Variants in AOAH observed in about 807,000 individuals in gnomAD.
AOAH encodes the protein acyloxyacyl hydrolase.
Under a neutral mutation model 92.2 loss-of-function variants are expected in AOAH, and 64 were observed. That is an observed-to-expected ratio of 0.69 (90% CI 0.57 to 0.86). The LOEUF (loss-of-function observed/expected upper bound fraction) is 0.86. AOAH is among the 40% of genes least tolerant of loss of function. AOAH has a pLI of 0.00. For missense variants in AOAH, 656 were observed against 694.6 expected (o/e 0.94, Z 0.62); for synonymous variants, 263 against 254.5 (o/e 1.03, Z -0.32).
intron 19 of AOAH, among the ~76,000 whole-genome samples, chr7:36,525,405 A>G (rs1244949154): frequency 4.6e-5 from 7 of 152,218 alleles, no homozygotes; most frequent in Non-Finnish European, 2.9e-5. Context: ...AGTTTCTTAG[A>G]CTGTGATTCA....
rs1051677517 is a variant in AOAH at position 36,653,318 on chromosome 7, G to C, written c.390+5848C>G. 1.1e-4 allele frequency among the ~76,000 whole-genome samples: 17 copies of C among 152,298 alleles called. No individual in the cohort carries two copies. In the South Asian group the frequency reaches 3.5e-3, roughly 32 times the overall value. ...TTTCTAAACACTACCACCTGAGACA[G>C]TCTACTAAAAGAGATGCCAGGTATT... On this transcript the variant is annotated intron_variant, in intron 4 of 20. Transcript: ENST00000617537.
At chr7:36,517,199 TTTCTTTC>T (rs952803786) in intron 20 of AOAH, among the ~76,000 whole-genome samples, 9 of 70,644 alleles carry the variant, frequency 1.3e-4, no homozygotes, top group African/African-American at 3.9e-4. Context: ...TCTTTCTTTC[TTTCTTTC>T]TTTCTTTCTC....
intron 5 of AOAH, 115 bp downstream of exon 5, chr7:36,637,736 G>T: frequency 1.1e-6 from 1 of 884,630 alleles, no homozygotes; most frequent in Non-Finnish European, 1.8e-6. Flanking sequence ...ACGTAGCTAT[G>T]GCATGTTGCA....
chr7:36,541,324 A>AAAGT (rs1785410680), intron 15 of AOAH, among the ~76,000 whole-genome samples: 1 of 152,210 alleles, frequency 6.6e-6, no homozygotes, highest in African/African-American at 2.4e-5. Flanking sequence ...TTATTTCATA[A>AAAGT]AAGTTAGTAA....
intron 2 of AOAH, among the ~76,000 whole-genome samples, chr7:36,678,979 C>A (rs894011088): frequency 2.0e-5 from 3 of 152,014 alleles, no homozygotes; most frequent in African/African-American, 7.2e-5. Context: ...AAGGATCATA[C>A]AAGAGTATTT....
chr7:36,612,660 C>T (rs1187028118), intron 11 of AOAH, among the ~76,000 whole-genome samples: 2 of 152,184 alleles, frequency 1.3e-5, no homozygotes, highest in Non-Finnish European at 2.9e-5. Flanking sequence ...GCCAGATTGC[C>T]TTTCAGAGAA....
chr7:36,552,710 C>T (rs1049983542), intron 13 of AOAH, among the ~76,000 whole-genome samples: 16 of 152,144 alleles, frequency 1.1e-4, no homozygotes, highest in African/African-American at 3.6e-4. Flanking sequence ...TCATTTTCAA[C>T]CCTTGCTCCC....
chr7:36,621,635 G>A, intron 8 of AOAH, 75 bp downstream of exon 8: 3 of 1,342,002 alleles, frequency 2.2e-6, no homozygotes, highest in African/African-American at 2.9e-5. Context: ...CCCCTAGGCT[G>A]GGGGAAGGAA....
intron 14 of AOAH, among the ~76,000 whole-genome samples, chr7:36,548,910 C>T (rs1198450302): frequency 6.6e-6 from 1 of 152,172 alleles, no homozygotes; most frequent in Admixed American, 6.5e-5. Context: ...CACATAAATG[C>T]ATAAAATTGA....
chr7:36,678,549 CAGTGTGTG>C (rs1796404557), intron 2 of AOAH, among the ~76,000 whole-genome samples: 1 of 77,680 alleles, frequency 1.3e-5, no homozygotes, highest in African/African-American at 3.9e-5. Flanking sequence ...GTAAGATAAG[CAGTGTGTG>C]TGTGTGTGTG....
At chr7:36,535,504 A>T (rs1785000850) in intron 16 of AOAH, among the ~76,000 whole-genome samples, 1 of 152,190 alleles carries the variant, frequency 6.6e-6, no homozygotes, top group Non-Finnish European at 1.5e-5. Context: ...TTAAAAAGAC[A>T]TTTGGTTTCA....
rs201604874 is a variant in AOAH, at chr7:36,560,597, T to G, written c.1022-11122A>C. Among the ~76,000 whole-genome samples the G allele has an allele frequency of 9.8e-5, 15 of 152,368 alleles. No homozygotes were observed. In the East Asian group the frequency reaches 2.9e-3, roughly 29 times the overall value. ...ACATTGATTTTGTACCCTGAAACTT[T>G]GCTAAAGTTGTTTATCAGTTCCAGG... On this transcript the variant is annotated intron_variant, in intron 13 of 20. Transcript: ENST00000617537.
At chr7:36,709,817 C>CTGGAAATA (rs1340098245) in intron 1 of AOAH, among the ~76,000 whole-genome samples, 2 of 152,044 alleles carry the variant, frequency 1.3e-5, no homozygotes, top group East Asian at 3.8e-4. Flanking sequence ...AGTGTGAAAT[C>CTGGAAATA]CATGAGAAAA....
intron 1 of AOAH, among the ~76,000 whole-genome samples, chr7:36,692,183 A>G (rs1797441707): frequency 6.6e-6 from 1 of 152,234 alleles, no homozygotes; most frequent in South Asian, 2.1e-4. Flanking sequence ...GATACCACAC[A>G]TAAAATGCAC....
chr7:36,538,243 G>A (rs1457954579), intron 16 of AOAH, among the ~76,000 whole-genome samples: 2 of 151,684 alleles, frequency 1.3e-5, no homozygotes, highest in Non-Finnish European at 2.9e-5. Flanking sequence ...GGCCAGGCTT[G>A]ACTTGAACTC....
At chr7:36,546,200 G>A (rs1222366033) in intron 15 of AOAH, among the ~76,000 whole-genome samples, 1 of 152,184 alleles carries the variant, frequency 6.6e-6, no homozygotes, top group Non-Finnish European at 1.5e-5. Flanking sequence ...GCACATAAAT[G>A]TGTTACTTCA....
At chr7:36,622,571 A>C (rs1792359328) in intron 7 of AOAH, among the ~76,000 whole-genome samples, 1 of 152,228 alleles carries the variant, frequency 6.6e-6, no homozygotes, top group African/African-American at 2.4e-5. Flanking sequence ...ACGCACACAC[A>C]CACACACGTT....
At chr7:36,660,298 G>A (rs1301323984) in intron 3 of AOAH, among the ~76,000 whole-genome samples, 1 of 104,822 alleles carries the variant, frequency 9.5e-6, no homozygotes, top group African/African-American at 4.1e-5. Context: ...AATTATTTGG[G>A]AACAGAGTCT....
chr7:36,594,578 A>G, intron 11 of AOAH, 148 bp from the exon 12 acceptor site: 1 of 730,686 alleles, frequency 1.4e-6, no homozygotes, highest in East Asian at 2.7e-5. Context: ...TTCAAGGCAG[A>G]TGTCTCTAAC....
Sources: allele counts gnomAD v4.1 joint callset (sites outside exome capture counted in the v4.1 genomes callset), GRCh38; gene constraint gnomAD v4.1.1; transcripts MANE v1.5; gene names NCBI Gene and HGNC (gene_info 2026-07-23, HGNC 2026-07-21).